Variants in FERMT3 observed in about 807,000 individuals in gnomAD.
FERMT3 encodes the protein FERM domain containing kindlin 3, also known as fermitin family homolog 3.
Under a neutral mutation model 80.8 loss-of-function variants are expected in FERMT3, and 33 were observed. The observed-to-expected ratio is 0.41, with a 90% CI of 0.31 to 0.55. FERMT3 has a LOEUF of 0.55. FERMT3 is among the 20% of genes least tolerant of loss of function. The pLI, the probability that FERMT3 is intolerant of heterozygous loss-of-function variation, is 0.31. For missense variants in FERMT3, 754 were observed against 908.7 expected, an observed-to-expected ratio of 0.83 and a Z score of 2.19; for synonymous variants, 375 against 372.2, an observed-to-expected ratio of 1.01 and a Z score of -0.09.
chr11:64,214,921 G>T (rs1237210608), intron 6 of FERMT3, among the ~76,000 whole-genome samples: 13 of 151,330 alleles, frequency 8.6e-5, no homozygotes, highest in Non-Finnish European at 5.9e-5. Context: ...TCCTGCCTCA[G>T]CCTCCCACAT....
upstream of FERMT3, among the ~76,000 whole-genome samples, chr11:64,206,431 A>C (rs952209787): frequency 1.3e-4 from 20 of 152,186 alleles, no homozygotes; most frequent in African/African-American, 4.6e-4. Context: ...CAGGCTGAGG[A>C]TGGCAGACAC....
Position 64,211,762 on chromosome 11 carries a change from G to A in FERMT3, c.786+15G>A. 2 of 1,613,190 alleles carry A rather than the reference G, an allele frequency of 1.2e-6. No individual in the cohort carries two copies. The highest frequency in any genetic ancestry group is 1.7e-6 in the Non-Finnish European group (2 of 1,179,174). ...TGGATCCCAAGGTGGGTCGGGGCAG[G>A]GAGAAAGCGGGCCTCAGGTCCATGA... On this transcript the variant is annotated intron_variant, in intron 6 of 14. Coordinates refer to ENST00000345728, the MANE Select transcript of FERMT3 (RefSeq NM_031471.6). This position sits in a 1 kb window ranked among gnomAD's most constrained non-coding sequence, Gnocchi z 4.7.
intron 6 of FERMT3, among the ~76,000 whole-genome samples, chr11:64,215,302 T>C (rs895127432): frequency 1.4e-4 from 22 of 152,362 alleles, no homozygotes; most frequent in African/African-American, 5.3e-4. Context: ...CTAATAAAGT[T>C]GAGTCCCTTT....
intron 2 of FERMT3, among the ~76,000 whole-genome samples, chr11:64,209,057 G>C (rs1946380435): frequency 6.6e-6 from 1 of 152,186 alleles, no homozygotes; most frequent in Admixed American, 6.5e-5. Flanking sequence ...AGGTGGGATT[G>C]GCATTGATTA....
rs750696448 is a variant in FERMT3 at position 64,210,570 on chromosome 11, G to A, written c.161-41G>A. On this transcript the variant is annotated intron_variant, in intron 2 of 14. Transcript: ENST00000345728. The surrounding 1 kb of genome is among the most constrained non-coding windows in gnomAD (Gnocchi z 4.3). ...GTTGTGCTGGGTGTTGGGGGCACCA[G>A]GGAGGAAGGTTGGACCCAGATGTGC... 2 of 1,588,708 alleles carry A rather than the reference G, an allele frequency of 1.3e-6. No homozygotes were observed. Among genetic ancestry groups the A allele is most frequent in the South Asian group, 2.2e-5 (2 of 90,582 alleles).
chr11:64,207,291 G>A (rs1946331895), intron 1 of FERMT3, 60 bp from the exon 2 acceptor site: 1 of 1,607,126 alleles, frequency 6.2e-7, no homozygotes, highest in Non-Finnish European at 8.5e-7. Context: ...GAGCTCTTCT[G>A]CCCAAACCCG....
chr11:64,207,656 A>C (rs1946342769), intron 2 of FERMT3, 132 bp downstream of exon 2: 5 of 1,139,178 alleles, frequency 4.4e-6, no homozygotes, highest in Non-Finnish European at 6.1e-6. Flanking sequence ...CATTAGCTTA[A>C]TCATTTGGTT....
chr11:64,217,304 C>G (rs1946572664), intron 6 of FERMT3, among the ~76,000 whole-genome samples: 1 of 152,178 alleles, frequency 6.6e-6, no homozygotes. Context: ...AATCCCAGCA[C>G]TTTGGGAGGC....
In FERMT3 at chr11:64,220,464, G is replaced by T; in HGVS notation, c.1340G>T (p.Gly447Val). Residue 447 changes from glycine (G) to valine (V), a missense_variant, in exon 12 of 15, where the codon GGC becomes GTC. Coordinates refer to ENST00000345728, the MANE Select transcript of FERMT3 (RefSeq NM_031471.6). ...CAGCAGTATGCCCGCTGGATGGCTG[G>T]CTGCCGCCTGGCCTCCAAAGGCCGC... ...DEQQYARWMA[G>V]CRLASKGRTM... The T allele has an allele frequency of 6.2e-7, 1 of 1,609,820 alleles. No homozygotes were observed. Among genetic ancestry groups the T allele is most frequent in the South Asian group, 1.1e-5 (1 of 90,910 alleles).
At chr11:64,214,025 A>AGT (rs1467840186) in intron 6 of FERMT3, among the ~76,000 whole-genome samples, 3 of 152,186 alleles carry the variant, frequency 2.0e-5, no homozygotes, top group African/African-American at 4.8e-5. Context: ...TTTCTAAGTG[A>AGT]GTAGTGTCTG....
At chr11:64,209,147 TAGGGAGCTGGTGAGGAG>T (rs1443668659) in intron 2 of FERMT3, among the ~76,000 whole-genome samples, 1 of 151,986 alleles carries the variant, frequency 6.6e-6, no homozygotes, top group Admixed American at 6.6e-5. Context: ...AGAGGTGGTG[TAGGGAGCTGGTGAGGAG>T]GGGGAGCTGG....
At chr11:64,212,521 G>A (rs892418488) in intron 6 of FERMT3, among the ~76,000 whole-genome samples, 4 of 152,172 alleles carry the variant, frequency 2.6e-5, no homozygotes, top group African/African-American at 7.2e-5. Flanking sequence ...AGGTGGCCAC[G>A]TCTCCAGGCT....
intron 1 of FERMT3, 124 bp from the exon 2 acceptor site, chr11:64,207,227 A>T: frequency 8.7e-7 from 1 of 1,147,088 alleles, no homozygotes; most frequent in Non-Finnish European, 1.3e-6. Flanking sequence ...CTGGGTGCTC[A>T]CTCCCGCCCT....
chr11:64,218,337 T>C (rs1323448545), intron 6 of FERMT3, among the ~76,000 whole-genome samples: 1 of 150,704 alleles, frequency 6.6e-6, no homozygotes. Context: ...AAGGTCTCAC[T>C]CTATCCCCCA....
rs1047471580 is a variant in FERMT3, at chr11:64,210,831, C to G, written c.381C>G (p.Ile127Met). ...SQPLFQAVAA[I>M]CRLLSIRHPE... ...CCCTCTTCCAGGCTGTGGCTGCCAT[C>G]TGCCGCCTCCTCAGTAAGTTGCCCG... Residue 127 changes from isoleucine (I) to methionine (M), a missense_variant, in exon 3 of 15, where the codon ATC becomes ATG. Ile to Met is a conservative substitution (Grantham distance 10). Coordinates refer to ENST00000345728, the MANE Select transcript of FERMT3 (RefSeq NM_031471.6). This position sits in a 1 kb window ranked among gnomAD's most constrained non-coding sequence, Gnocchi z 4.3. 3.7e-6 allele frequency: 6 copies of G among 1,612,340 alleles called. No homozygotes were observed. The highest frequency in any genetic ancestry group is 5.1e-6 in the Non-Finnish European group (6 of 1,179,994).
chr11:64,223,779 C>G lies in FERMT3; in HGVS notation c.*287C>G. 1 of 946,202 alleles carries G rather than the reference C, an allele frequency of 1.1e-6. No individual in the cohort carries two copies. The highest frequency in any genetic ancestry group is 1.7e-5 in the South Asian group (1 of 60,094). The allele number at this position is 946,202 out of a possible 1,614,324, so 58.6% of individuals were successfully genotyped here. On this transcript the variant is annotated 3_prime_UTR_variant, in exon 15 of 15. Transcript: ENST00000345728. ...GACCTATCTGCAGTCCCCCAGCACA[C>G]AAGGAAGACCAGATGTAGCTACAGG...
At chr11:64,213,913 CTTT>C (rs1946496195) in intron 6 of FERMT3, among the ~76,000 whole-genome samples, 1 of 152,140 alleles carries the variant, frequency 6.6e-6, no homozygotes, top group Non-Finnish European at 1.5e-5. Context: ...ATTTCCACTT[CTTT>C]GTTTTGCCAT....
rs1246318625 is a variant in FERMT3 at position 64,211,785 on chromosome 11, T to C, written c.786+38T>C. On this transcript the variant is annotated intron_variant, in intron 6 of 14. Transcript: ENST00000345728. The surrounding 1 kb of genome is among the most constrained non-coding windows in gnomAD (Gnocchi z 4.7). ...AGGGAGAAAGCGGGCCTCAGGTCCA[T>C]GAGATGTGGAGACCTAGGGCCTGGG... 1.3e-6 allele frequency: 2 copies of C among 1,594,734 alleles called. No individual in the cohort carries two copies. Among genetic ancestry groups the C allele is most frequent in the African/African-American group, 1.3e-5 (1 of 74,486 alleles).
rs143928583 is a variant in FERMT3, at chr11:64,213,031, C to T, written c.786+1284C>T. Among the ~76,000 whole-genome samples the T allele has an allele frequency of 1.7e-3, 253 of 151,744 alleles. 2 individuals carry two copies. The highest frequency in any genetic ancestry group is 5.7e-3 in the African/African-American group (237 of 41,374). On this transcript the variant is annotated intron_variant, in intron 6 of 14. Coordinates refer to ENST00000345728, the MANE Select transcript of FERMT3 (RefSeq NM_031471.6). ...GCCTCAGCTCCCCAAGTAGCTGGGA[C>T]GATAGGCGTGTACTATACCTGGCTA...
Sources: gnomAD v4.1 joint callset for allele counts (sites outside exome capture counted in the v4.1 genomes callset) on GRCh38, gnomAD v4.1.1 for gene constraint, Gnocchi (gnomAD v3.1) non-coding constraint, MANE v1.5 for transcripts, NCBI Gene and HGNC (gene_info 2026-07-23, HGNC 2026-07-21) for gene names.